MARCHF6: variants seen among roughly 807,000 people sequenced by gnomAD.
MARCHF6 encodes membrane associated ring-CH-type finger 6, also known as E3 ubiquitin-protein ligase MARCHF6.
MARCHF6 carries 31 observed loss-of-function variants against 133.7 expected under a neutral mutation model. That is an observed-to-expected ratio of 0.23 (90% CI 0.17 to 0.31). MARCHF6 has a LOEUF of 0.31. Ranked by LOEUF, MARCHF6 falls within the 10% of genes least tolerant of loss-of-function variation. The pLI is 1.00. For missense variants in MARCHF6, 723 were observed against 1,121.6 expected (o/e 0.64, Z 5.08); for synonymous variants, 395 against 402.5 (o/e 0.98, Z 0.22).
In MARCHF6 at chr5:10,435,659, A is replaced by AC. The variant is rs1561159349; in HGVS notation, c.*1975_*1976insC. The AC allele has an allele frequency of 0.037, 191 of 5,202 alleles. 20 individuals are homozygous for AC. Among genetic ancestry groups the AC allele is most frequent in the African/African-American group, 0.2 (182 of 914 alleles). 0.3% of individuals were successfully genotyped at this position (5,202 alleles called of 1,614,324 possible). A position where few individuals can be genotyped will look rare whatever the true frequency, so the allele number is the denominator to read the frequency against. ...TATAACTATATATATATATATATATATATATATATATATATATATATATAT... is the reference window on the plus strand; with the variant it reads ...TATAACTATATATATATATATATATACTATATATATATATATATATATATAT... On this transcript the variant is annotated 3_prime_UTR_variant, in exon 26 of 26. Coordinates refer to ENST00000274140, the MANE Select transcript of MARCHF6 (RefSeq NM_005885.4).
At chr5:10,386,450 CTT>C (rs1440252011) in intron 4 of MARCHF6, among the ~76,000 whole-genome samples, 1 of 152,172 alleles carries the variant, frequency 6.6e-6, no homozygotes, top group Non-Finnish European at 1.5e-5. Context: ...CATACTTTGT[CTT>C]TCTCTAAATG....
rs569577266 is a variant in MARCHF6 at position 10,377,401 on chromosome 5, T to G, written c.20-397T>G. On this transcript the variant is annotated intron_variant, in intron 1 of 25. Coordinates refer to ENST00000274140, the MANE Select transcript of MARCHF6 (RefSeq NM_005885.4). The stretch of plus-strand genomic sequence containing the variant: ...GTCCTCACATGTGTTTTGTGGAGTT[T>G]AGGCTGTTAGGACTTTAAACCGTTA... 3.3e-5 allele frequency among the ~76,000 whole-genome samples: 5 copies of G among 152,322 alleles called. No homozygotes were observed. In the South Asian group the frequency reaches 1.0e-3, roughly 32 times the overall value.
intron 24 of MARCHF6, among the ~76,000 whole-genome samples, chr5:10,427,375 C>T (rs1331243650): frequency 3.3e-5 from 5 of 152,138 alleles, no homozygotes; most frequent in African/African-American, 7.2e-5. Context: ...ACATTTTTTT[C>T]ATTGGTTCCT....
chr5:10,369,334 G>C (rs1223816771), intron 1 of MARCHF6, among the ~76,000 whole-genome samples: 1 of 152,148 alleles, frequency 6.6e-6, no homozygotes. Context: ...GATGAAAAAC[G>C]TGTGCTCATT....
At chr5:10,401,047 C>T (rs1738501348) in intron 11 of MARCHF6, 1 of 508,770 alleles carries the variant, frequency 2.0e-6, no homozygotes, top group East Asian at 3.2e-5. Flanking sequence ...AAAATGTGCT[C>T]TGAAATCCAG....
At chr5:10,366,374 G>A (rs563725143) in intron 1 of MARCHF6, among the ~76,000 whole-genome samples, 2 of 152,198 alleles carry the variant, frequency 1.3e-5, no homozygotes, top group South Asian at 2.1e-4. Flanking sequence ...TACTATAATT[G>A]TAGCTACTAA....
chr5:10,388,789 G>A (rs887876761), intron 5 of MARCHF6, among the ~76,000 whole-genome samples: 1 of 152,184 alleles, frequency 6.6e-6, no homozygotes, highest in African/African-American at 2.4e-5. Context: ...GGGCAGCATC[G>A]CCTCTGTCCA....
At chr5:10,428,467 G>C (rs2126359377) in intron 24 of MARCHF6, among the ~76,000 whole-genome samples, 1 of 150,538 alleles carries the variant, frequency 6.6e-6, no homozygotes, top group Admixed American at 6.7e-5. Context: ...TCAGCCTCTT[G>C]AGTAGCTGGG....
At chr5:10,414,390 C>G (rs750751490) in intron 19 of MARCHF6, 43 bp from the exon 20 acceptor site, 4 of 1,044,920 alleles carry the variant, frequency 3.8e-6, no homozygotes, top group Non-Finnish European at 5.9e-6. Flanking sequence ...ATACATTGAG[C>G]ACGTGTTCTC....
intron 17 of MARCHF6, among the ~76,000 whole-genome samples, chr5:10,407,577 G>C (rs1022417313): frequency 2.0e-5 from 3 of 152,176 alleles, no homozygotes; most frequent in Non-Finnish European, 4.4e-5. Context: ...ACATTATAAA[G>C]AATAAAGCCA....
At chr5:10,374,244 G>A (rs1422367995) in intron 1 of MARCHF6, among the ~76,000 whole-genome samples, 12 of 152,156 alleles carry the variant, frequency 7.9e-5, no homozygotes, top group Non-Finnish European at 1.5e-4. Context: ...CTTTAAAGAG[G>A]ATCTATTGCA....
At chr5:10,387,294 T>A (rs1737538441) in intron 5 of MARCHF6, among the ~76,000 whole-genome samples, 1 of 151,922 alleles carries the variant, frequency 6.6e-6, no homozygotes, top group Non-Finnish European at 1.5e-5. Context: ...ATGGGATGAC[T>A]TTTCTTTCTT....
At chr5:10,396,251 GTT>G (rs1738183539) in intron 9 of MARCHF6, among the ~76,000 whole-genome samples, 1 of 152,192 alleles carries the variant, frequency 6.6e-6, no homozygotes, top group African/African-American at 2.4e-5. Flanking sequence ...AACAAGGAAT[GTT>G]TTGGAGTCTC....
intron 19 of MARCHF6, among the ~76,000 whole-genome samples, chr5:10,413,690 C>T (rs1739352208): frequency 2.0e-5 from 3 of 152,192 alleles, no homozygotes; most frequent in Non-Finnish European, 4.4e-5. Flanking sequence ...TCATGTCTTA[C>T]ATGGCAGCAG....
In MARCHF6 at chr5:10,423,719, G is replaced by A. The variant is rs1180819343; in HGVS notation, c.2284-16G>A. The A allele has an allele frequency of 6.4e-7, 1 of 1,573,248 alleles. No homozygotes were observed. The highest frequency in any genetic ancestry group is 8.7e-7 in the Non-Finnish European group (1 of 1,146,282). On this transcript the variant is annotated splice_polypyrimidine_tract_variant and intron_variant, in intron 22 of 25. Transcript: ENST00000274140. ...AAAAACAACAGAAATATGTTAAATG[G>A]TTTTTAATTCCCTAGGACTGGGCAC...
At chr5:10,399,601 T>G (rs1381068151) in intron 10 of MARCHF6, among the ~76,000 whole-genome samples, 1 of 152,178 alleles carries the variant, frequency 6.6e-6, no homozygotes, top group Non-Finnish European at 1.5e-5. Flanking sequence ...GTTTTAAAAA[T>G]ACTTTCATAC....
At chr5:10,406,810 A>G (rs563589989) in intron 16 of MARCHF6, among the ~76,000 whole-genome samples, 3 of 152,164 alleles carry the variant, frequency 2.0e-5, no homozygotes, top group Non-Finnish European at 4.4e-5. Flanking sequence ...CTGCTTCCTC[A>G]TTTTAAGTTT....
intron 1 of MARCHF6, among the ~76,000 whole-genome samples, chr5:10,356,398 T>G (rs1470318833): frequency 1.4e-5 from 2 of 147,736 alleles, no homozygotes. Flanking sequence ...TTTTATTTTA[T>G]TTTATTTTAT....
chr5:10,367,311 TAAGTGTAACAA>T (rs1191311831), intron 1 of MARCHF6, among the ~76,000 whole-genome samples: 2 of 152,184 alleles, frequency 1.3e-5, no homozygotes, highest in African/African-American at 4.8e-5. Flanking sequence ...CAATATTGGT[TAAGTGTAACAA>T]AAGTGTAACA....
Sources: allele counts gnomAD v4.1 joint callset (sites outside exome capture counted in the v4.1 genomes callset), GRCh38; gene constraint gnomAD v4.1.1; transcripts MANE v1.5; gene names NCBI Gene and HGNC (gene_info 2026-07-23, HGNC 2026-07-21).